Variants in HEXB observed in about 807,000 individuals in gnomAD.
HEXB encodes the protein hexosaminidase subunit beta.
A neutral mutation model predicts 71.2 loss-of-function variants in HEXB; 51 were observed. The observed-to-expected ratio is 0.72, with a 90% confidence interval of 0.57 to 0.90. The LOEUF is 0.90. HEXB is among the 40% of genes least tolerant of loss of function. The pLI is 0.00. For synonymous variants in HEXB, 266 were observed against 249.3 expected, an observed-to-expected ratio of 1.07 and a Z score of -0.63; for missense variants, 617 against 677.0, an observed-to-expected ratio of 0.91 and a Z score of 0.98.
In HEXB at chr5:74,718,941, TA is replaced by T; in HGVS notation, c.1388del (p.Tyr463SerfsTer67). On this transcript the variant is annotated frameshift_variant, in exon 11 of 14. Coordinates refer to ENST00000261416, the MANE Select transcript of HEXB (RefSeq NM_000521.4). LOFTEE classifies it high-confidence loss of function. The stretch of plus-strand genomic sequence containing the variant: ...TAGCTATGGACAAGATTGGAGGAAA[TA>T]CTATAAAGTGGAACCTCTTGATTTT... ...LISYGQDWRK[Y>X]YKVEPLDFGG... The T allele has an allele frequency of 6.2e-7, 1 of 1,614,126 alleles. No individual in the cohort carries two copies. The highest frequency in any genetic ancestry group is 8.5e-7 in the Non-Finnish European group (1 of 1,180,014).
chr5:74,704,779 C>T (rs1749342271), intron 5 of HEXB, among the ~76,000 whole-genome samples: 1 of 152,132 alleles, frequency 6.6e-6, no homozygotes, highest in South Asian at 2.1e-4. Context: ...TCTATTTCTT[C>T]TCATTCTTTC....
chr5:74,713,137 T>C (rs1450073586), intron 6 of HEXB, among the ~76,000 whole-genome samples: 1 of 152,200 alleles, frequency 6.6e-6, no homozygotes, highest in East Asian at 1.9e-4. Flanking sequence ...AGCATGATAG[T>C]AGAAACTCTT....
chr5:74,669,979 G>C (rs150422006), intron 1 of HEXB, among the ~76,000 whole-genome samples: 2 of 152,168 alleles, frequency 1.3e-5, no homozygotes, highest in South Asian at 2.1e-4. Context: ...ATAGCAGCAG[G>C]AGGCAGACCA....
chr5:74,713,852 G>GT (rs1749612490), intron 7 of HEXB, among the ~76,000 whole-genome samples: 1 of 151,534 alleles, frequency 6.6e-6, no homozygotes, highest in South Asian at 2.1e-4. Flanking sequence ...GTTTTGTTTT[G>GT]TTTTTTGAGA....
intron 1 of HEXB, among the ~76,000 whole-genome samples, chr5:74,678,524 T>C (rs1748677575): frequency 6.8e-6 from 1 of 147,062 alleles, no homozygotes; most frequent in Admixed American, 6.9e-5. Context: ...TGGCTAGCCA[T>C]TTGGGAAAAA....
At chr5:74,683,483 T>G (rs1748777397), upstream of HEXB, among the ~76,000 whole-genome samples, 1 of 152,104 alleles carries the variant, frequency 6.6e-6, no homozygotes, top group Non-Finnish European at 1.5e-5. Flanking sequence ...TTTGTATTTT[T>G]AGTAGAGATG....
chr5:74,719,323 T>C (rs2112181815), intron 11 of HEXB, among the ~76,000 whole-genome samples: 1 of 152,320 alleles, frequency 6.6e-6, no homozygotes, highest in East Asian at 1.9e-4. Flanking sequence ...TCTTCTGAAC[T>C]GCTTCTCCAA....
At chr5:74,656,452 C>T (rs1366638446) in intron 1 of HEXB, among the ~76,000 whole-genome samples, 1 of 147,884 alleles carries the variant, frequency 6.8e-6, no homozygotes, top group Non-Finnish European at 1.5e-5. Context: ...GCACTGAAGC[C>T]TGGATGACAG....
intron 7 of HEXB, among the ~76,000 whole-genome samples, chr5:74,714,060 C>T (rs949356083): frequency 2.0e-5 from 3 of 152,230 alleles, no homozygotes; most frequent in Non-Finnish European, 2.9e-5. Flanking sequence ...TGGTCTTGAT[C>T]TCCCCTCCTC....
chr5:74,679,784 G>C (rs956803368), intron 1 of HEXB, among the ~76,000 whole-genome samples: 1 of 122,582 alleles, frequency 8.2e-6, no homozygotes, highest in Admixed American at 1.0e-4. Context: ...TGGTGACAGC[G>C]CGAGACTCCG....
At chr5:74,693,335 A>G (rs1194240448) in intron 2 of HEXB, 2 of 451,388 alleles carry the variant, frequency 4.4e-6, no homozygotes, top group East Asian at 9.0e-5. Context: ...TGACACCCAA[A>G]TTCCCGTTCT....
intron 1 of HEXB, among the ~76,000 whole-genome samples, chr5:74,679,764 C>T (rs2112113941): frequency 7.3e-6 from 1 of 137,536 alleles, no homozygotes; most frequent in South Asian, 2.2e-4. Context: ...TGCACTACCG[C>T]ACTCCAGCCT....
At chr5:74,675,054 G>T (rs897715785) in intron 1 of HEXB, among the ~76,000 whole-genome samples, 1 of 152,196 alleles carries the variant, frequency 6.6e-6, no homozygotes, top group Non-Finnish European at 1.5e-5. Flanking sequence ...TCCAATAGGT[G>T]TCAAGACTAT....
At chr5:74,692,089 A>C (rs940951283) in intron 2 of HEXB, among the ~76,000 whole-genome samples, 2 of 152,176 alleles carry the variant, frequency 1.3e-5, no homozygotes, top group Non-Finnish European at 2.9e-5. Context: ...TATGCAATAT[A>C]TTAATGTTTT....
intron 1 of HEXB, among the ~76,000 whole-genome samples, chr5:74,667,342 C>T (rs1748450120): frequency 1.3e-5 from 2 of 152,006 alleles, no homozygotes; most frequent in Non-Finnish European, 2.9e-5. Context: ...TCACTTGAAC[C>T]CGGGAGGCAG....
intron 6 of HEXB, 43 bp from the exon 7 acceptor site, chr5:74,713,463 T>A: frequency 6.3e-7 from 1 of 1,596,710 alleles, no homozygotes; most frequent in East Asian, 2.2e-5. Flanking sequence ...CAGGATCAAA[T>A]CTACGTTGTA....
chr5:74,689,232 G>A lies in HEXB; in HGVS notation c.300-96G>A, dbSNP rs76710983. On this transcript the variant is annotated intron_variant, in intron 1 of 13. Coordinates refer to ENST00000261416, the MANE Select transcript of HEXB (RefSeq NM_000521.4). Reference sequence around the variant, plus strand: ...TAGTTGGACTTACAATGGGCAGCATGGATTTGAGGAGTTAACTACAATGTT... The same window carrying A: ...TAGTTGGACTTACAATGGGCAGCATAGATTTGAGGAGTTAACTACAATGTT... 170 of 907,782 alleles carry A rather than the reference G, an allele frequency of 1.9e-4. No individual in the cohort carries two copies. The African/African-American group carries it at 2.4e-3, about 13-fold the overall frequency. The allele number at this position is 907,782 out of a possible 1,614,324, so 56.2% of individuals were successfully genotyped here.
At chr5:74,702,305 C>T (rs992532216) in intron 5 of HEXB, among the ~76,000 whole-genome samples, 3 of 151,662 alleles carry the variant, frequency 2.0e-5, no homozygotes, top group Admixed American at 6.6e-5. Flanking sequence ...GTCTCGATCT[C>T]CTGACCTCGT....
intron 1 of HEXB, among the ~76,000 whole-genome samples, chr5:74,673,434 TTA>T (rs1748575949): frequency 6.6e-6 from 1 of 152,158 alleles, no homozygotes; most frequent in African/African-American, 2.4e-5. Context: ...TCTGCAGGAG[TTA>T]GGCAGCTTTG....
Sources: allele counts gnomAD v4.1 joint callset (sites outside exome capture counted in the v4.1 genomes callset), GRCh38; gene constraint gnomAD v4.1.1; transcripts MANE v1.5; gene names NCBI Gene and HGNC (gene_info 2026-07-23, HGNC 2026-07-21).